GUK1: variants seen among roughly 807,000 people sequenced by gnomAD.
GUK1 encodes the protein guanylate kinase.
GUK1 carries 18 observed loss-of-function variants against 25.2 expected under a neutral mutation model. That is an observed-to-expected ratio of 0.71 (90% CI 0.49 to 1.06). The LOEUF (loss-of-function observed/expected upper bound fraction) is 1.06. GUK1 is among the 50% of genes least tolerant of loss of function. GUK1 has a pLI of 0.00. For missense variants in GUK1, 261 were observed against 276.7 expected (o/e 0.94, Z 0.40); for synonymous variants, 105 against 117.6 (o/e 0.89, Z 0.69).
intron 5 of GUK1, 116 bp downstream of exon 4, chr1:228,147,054 G>T: frequency 2.6e-6 from 2 of 775,772 alleles, no homozygotes; most frequent in Non-Finnish European, 4.5e-6. Flanking sequence ...TATGAATGTG[G>T]CCAGGTTGTG....
intron 7 of GUK1, 43 bp downstream of exon 6, chr1:228,147,742 T>G (rs746726059): frequency 1.9e-6 from 3 of 1,576,100 alleles, no homozygotes; most frequent in South Asian, 2.2e-5. Flanking sequence ...AGGAGGGGAG[T>G]CAGGGTTCTG....
chr1:228,142,063 T>C (rs1193010910), intron 2 of GUK1, among the ~76,000 whole-genome samples: 1 of 152,214 alleles, frequency 6.6e-6, no homozygotes, highest in Non-Finnish European at 1.5e-5. Context: ...GTGTGCTCCA[T>C]GGAAGGTGGC....
intron 2 of GUK1, chr1:228,144,699 C>G (rs1412493086): frequency 1.0e-5 from 10 of 984,480 alleles, no homozygotes; most frequent in Non-Finnish European, 1.2e-5. Flanking sequence ...AGCTCTCAGT[C>G]CAGCAGACAG....
chr1:228,146,003 TG>T, intron 3 of GUK1, 22 bp from the exon 3 acceptor site: 1 of 1,598,042 alleles, frequency 6.3e-7, no homozygotes, highest in Non-Finnish European at 8.6e-7. Flanking sequence ...CAGCCCCCGA[TG>T]GGTGACAGGT....
chr1:228,144,106 GTGTT>G (rs2124937559), intron 2 of GUK1, among the ~76,000 whole-genome samples: 1 of 152,312 alleles, frequency 6.6e-6, no homozygotes, highest in African/African-American at 2.4e-5. Context: ...GCATGTGTGT[GTGTT>G]TGTGGTAGGT....
At chr1:228,142,549 C>T (rs2034119983) in intron 2 of GUK1, among the ~76,000 whole-genome samples, 1 of 152,012 alleles carries the variant, frequency 6.6e-6, no homozygotes. Flanking sequence ...GGTGCAGGGG[C>T]AACACCTGTG....
intron 4 of GUK1, chr1:228,146,572 C>T: frequency 1.9e-6 from 1 of 529,868 alleles, no homozygotes; most frequent in Non-Finnish European, 3.4e-6. Flanking sequence ...GTCTCCAGTC[C>T]CCACCCCATC....
chr1:228,147,274 G>A, intron 5 of GUK1, 132 bp from the exon 5 acceptor site: 2 of 845,370 alleles, frequency 2.4e-6, no homozygotes. Flanking sequence ...GCTGTCGGGT[G>A]CTGGGTCCAG....
At chr1:228,144,762 G>A in intron 2 of GUK1, 1 of 981,390 alleles carries the variant, frequency 1.0e-6, no homozygotes, top group Non-Finnish European at 1.2e-6. Flanking sequence ...GGTAGGCCCT[G>A]TTCTTGGGGA....
At position 228,146,815 on chromosome 1, in the gene GUK1, C is replaced by T. The variant is rs750277757; in HGVS notation, c.155-27C>T. 2.7e-6 allele frequency: 4 copies of T among 1,506,960 alleles called. No individual in the cohort carries two copies. The Admixed American group carries it at 6.7e-5, about 25-fold the overall frequency. 93.3% of individuals were successfully genotyped at this position (1,506,960 alleles called of 1,614,324 possible). ...CACCCTGGTGCAGGTCCAGTCTGCCCTCTGGATGGCCCCTCCTCTTCCCCA... is the reference window on the plus strand; with the variant it reads ...CACCCTGGTGCAGGTCCAGTCTGCCTTCTGGATGGCCCCTCCTCTTCCCCA... On this transcript the variant is annotated intron_variant, in intron 4 of 8. Transcript: ENST00000312726.
At chr1:228,143,364 C>G (rs571651515) in intron 2 of GUK1, among the ~76,000 whole-genome samples, 12 of 152,326 alleles carry the variant, frequency 7.9e-5, no homozygotes, top group African/African-American at 2.4e-4. Flanking sequence ...GAGTAGCTCT[C>G]CCATATCGGG....
At chr1:228,141,789 C>G in intron 2 of GUK1, 1 of 1,264,674 alleles carries the variant, frequency 7.9e-7, no homozygotes, top group Non-Finnish European at 1.0e-6. Flanking sequence ...CCCAGGAGAC[C>G]TTCCATCTCG....
Position 228,148,465 on chromosome 1 carries a change from A to G in GUK1, c.561+9A>G. On this transcript the variant is annotated intron_variant, in intron 8 of 8. Coordinates refer to ENST00000312726, the MANE Select transcript of GUK1 (RefSeq NM_000858.7). ...AGGAGGCGCTCTCTGAGGTGGGCCC[A>G]TCCTTGTGCCTACCTGGGCAAGGCC... 3.2e-6 allele frequency: 5 copies of G among 1,563,776 alleles called. No individual in the cohort carries two copies. The highest frequency in any genetic ancestry group is 3.5e-6 in the Non-Finnish European group (4 of 1,153,468).
chr1:228,145,653 C>T lies in GUK1; in HGVS notation c.112+29C>T, dbSNP rs368643123. The stretch of plus-strand genomic sequence containing the variant: ...AGTCCAGGGCTCTCGTGGAGGGGTG[C>T]GTAGACCTCAAGGCTGCTGAGTAGT... On this transcript the variant is annotated intron_variant, in intron 3 of 8. Transcript: ENST00000312726. The T allele has an allele frequency of 5.9e-5, 94 of 1,605,562 alleles. No individual in the cohort carries two copies. In the African/African-American group the frequency reaches 1.1e-3, roughly 19 times the overall value.
At position 228,145,562 on chromosome 1, in the gene GUK1, A is replaced by AGAGCACCCTGCTGAAGAGGCTGCTCCAG; in HGVS notation, c.57_84dup (p.Ser29ProfsTer45). The AGAGCACCCTGCTGAAGAGGCTGCTCCAG allele has an allele frequency of 1.2e-6, 2 of 1,613,110 alleles. No homozygotes were observed. The highest frequency in any genetic ancestry group is 1.7e-6 in the Non-Finnish European group (2 of 1,179,720). ...CTGAGCGGGCCTTCGGGAGCTGGGA[A>AGAGCACCCTGCTGAAGAGGCTGCTCCAG]GAGCACCCTGCTGAAGAGGCTGCTC... On this transcript the variant is annotated frameshift_variant, in exon 3 of 9. Transcript: ENST00000312726. LOFTEE classifies it high-confidence loss of function.
At position 228,148,674 on chromosome 1, in the gene GUK1, A is replaced by G; in HGVS notation, c.571A>G (p.Lys191Glu). 6.3e-7 allele frequency: 1 copy of G among 1,590,852 alleles called. No individual in the cohort carries two copies. Among genetic ancestry groups the G allele is most frequent in the Non-Finnish European group, 8.6e-7 (1 of 1,166,592 alleles). Reference sequence around the variant, plus strand: ...TCTTCCTCACTGGCAGGAAATCAAGAAAGCTCAAAGGACCGGCGCCTGAGG... The same window carrying G: ...TCTTCCTCACTGGCAGGAAATCAAGGAAGCTCAAAGGACCGGCGCCTGAGG... Residue 191 changes from lysine to glutamate, a missense_variant, in exon 9 of 9, where the codon AAA becomes GAA. Lys to Glu is a moderately conservative substitution (Grantham distance 56). Coordinates refer to ENST00000312726, the MANE Select transcript of GUK1 (RefSeq NM_000858.7).
intron 3 of GUK1, 59 bp from the exon 3 acceptor site, chr1:228,145,967 C>G: frequency 3.9e-6 from 5 of 1,280,928 alleles, no homozygotes; most frequent in Non-Finnish European, 3.4e-6. Flanking sequence ...GCAAGGGAAA[C>G]GCTGGGTGGG....
chr1:228,145,844 C>A, intron 3 of GUK1, 182 bp from the exon 3 acceptor site: 1 of 699,914 alleles, frequency 1.4e-6, no homozygotes, highest in Non-Finnish European at 2.5e-6. Context: ...GTACTGATAA[C>A]TGGGCCACAG....
At chr1:228,145,818 T>A (rs2034337394) in intron 3 of GUK1, 194 bp downstream of exon 2, 2 of 725,998 alleles carry the variant, frequency 2.8e-6, no homozygotes, top group Non-Finnish European at 4.6e-6. Flanking sequence ...GTGTCTCCCT[T>A]CCCTGGGTCT....
Sources: allele counts gnomAD v4.1 joint callset (sites outside exome capture counted in the v4.1 genomes callset), GRCh38; gene constraint gnomAD v4.1.1; transcripts MANE v1.5; gene names NCBI Gene and HGNC (gene_info 2026-07-23, HGNC 2026-07-21).